The following SNRPN variants were observed in gnomAD, a reference collection of about 807,000 sequenced individuals.
The protein encoded by SNRPN is small nuclear ribonucleoprotein polypeptide N.
A neutral mutation model predicts 25.2 loss-of-function variants in SNRPN; 7 were observed. That is an observed-to-expected ratio of 0.28 (90% CI 0.16 to 0.52). The LOEUF (loss-of-function observed/expected upper bound fraction) is 0.52. Ranked by LOEUF, SNRPN falls within the 20% of genes least tolerant of loss-of-function variation. The pLI, the probability that SNRPN is intolerant of heterozygous loss-of-function variation, is 0.96. For missense variants in SNRPN, 196 were observed against 322.5 expected (o/e 0.61, Z 3.00); for synonymous variants, 124 against 110.6 (o/e 1.12, Z -0.76).
exon 2 of SNRPN, chr15:24,829,833 T>C (rs1427519347): frequency 6.6e-6 from 1 of 152,038 alleles, no homozygotes; most frequent in African/African-American, 2.4e-5. Context: ...AAATTCACAG[T>C]GGCCAGCTCA....
At position 24,838,039 on chromosome 15, in the gene SNRPN, AT is replaced by A. The variant is rs145070247; in HGVS notation, c.-579+8147del. 7.8e-4 allele frequency among the ~76,000 whole-genome samples: 109 copies of A among 139,796 alleles called. 1 individual carries two copies. The highest frequency in any genetic ancestry group is 1.6e-3 in the Admixed American group (22 of 13,876). 91.7% of individuals were successfully genotyped at this position (139,796 alleles called of 152,430 possible). On this transcript the variant is annotated intron_variant, in intron 2 of 12. Transcript: ENST00000400100. ...TGCCCGGCCAACTCTTTATTTATTTATTTTTTTTTTTTTGAGACGGAGTCTC... is the reference window on the plus strand; with the variant it reads ...TGCCCGGCCAACTCTTTATTTATTTATTTTTTTTTTTTGAGACGGAGTCTC...
At chr15:24,958,307 A>G (rs2063245557) in intron 1 of SNRPN, among the ~76,000 whole-genome samples, 1 of 151,530 alleles carries the variant, frequency 6.6e-6, no homozygotes, top group African/African-American at 2.4e-5. Flanking sequence ...TCATTTAAGC[A>G]GGTTGTGAGT....
At chr15:24,830,950 T>C (rs530081289) in intron 2 of SNRPN, among the ~76,000 whole-genome samples, 1 of 152,158 alleles carries the variant, frequency 6.6e-6, no homozygotes, top group East Asian at 1.9e-4. Context: ...TGACTGATGA[T>C]ACTGTTGAGT....
chr15:24,890,038 A>G (rs1449882209), intron 2 of SNRPN, among the ~76,000 whole-genome samples: 1 of 125,030 alleles, frequency 8.0e-6, no homozygotes, highest in Non-Finnish European at 1.7e-5. Context: ...TGAGATTGAA[A>G]CTCCATTTCA....
At chr15:24,965,486 G>A (rs963690981) in intron 2 of SNRPN, among the ~76,000 whole-genome samples, 9 of 152,152 alleles carry the variant, frequency 5.9e-5, no homozygotes, top group Non-Finnish European at 8.8e-5. Context: ...GCAGTGAGCC[G>A]AGATGGTGCC....
intron 2 of SNRPN, among the ~76,000 whole-genome samples, chr15:24,890,240 C>G (rs1220210278): frequency 6.6e-6 from 1 of 151,956 alleles, no homozygotes; most frequent in Non-Finnish European, 1.5e-5. Context: ...ATAATGGGAC[C>G]CTCATTTCAG....
intron 3 of SNRPN, among the ~76,000 whole-genome samples, chr15:24,972,892 C>G (rs2076605511): frequency 1.3e-5 from 2 of 151,950 alleles, no homozygotes; most frequent in South Asian, 4.2e-4. Flanking sequence ...CTCTTCCCCA[C>G]CACCCCCAAC....
intron 2 of SNRPN, among the ~76,000 whole-genome samples, chr15:24,888,342 G>A (rs910152693): frequency 4.6e-5 from 7 of 151,998 alleles, no homozygotes; most frequent in South Asian, 2.1e-4. Flanking sequence ...TCCAGACCTC[G>A]TGATCCACCC....
intron 1 of SNRPN, among the ~76,000 whole-genome samples, chr15:24,875,660 T>C (rs2055786235): frequency 6.6e-6 from 1 of 152,182 alleles, no homozygotes; most frequent in Non-Finnish European, 1.5e-5. Flanking sequence ...AGCTCACACC[T>C]GTAATCCCAG....
intron 2 of SNRPN, among the ~76,000 whole-genome samples, chr15:24,845,551 T>C (rs1250500116): frequency 6.6e-6 from 1 of 151,896 alleles, no homozygotes; most frequent in African/African-American, 2.4e-5. Flanking sequence ...TGAGCCGAGA[T>C]CATGCAGTTG....
At chr15:24,974,517 GC>G in intron 4 of SNRPN, 61 bp downstream of exon 4, 1 of 1,509,402 alleles carries the variant, frequency 6.6e-7, no homozygotes, top group Non-Finnish European at 9.2e-7. Context: ...GAAATAGTTT[GC>G]CAGCATGTGC....
intron 2 of SNRPN, among the ~76,000 whole-genome samples, chr15:24,904,620 A>T (rs1421309422): frequency 1.3e-5 from 2 of 152,082 alleles, no homozygotes; most frequent in African/African-American, 4.8e-5. Context: ...GGGCCACTGC[A>T]CTCCAGCCTG....
chr15:24,968,002 C>T lies in SNRPN; in HGVS notation c.-224C>T. The T allele has an allele frequency of 6.2e-7, 1 of 1,614,022 alleles. No individual in the cohort carries two copies. The highest frequency in any genetic ancestry group is 8.5e-7 in the Non-Finnish European group (1 of 1,179,996). Reference sequence around the variant, plus strand: ...GGTGGATTTCCAGGCTGAACTGAGGCAGGCATTCTTAGCTGAGACACCAAG... The same window carrying T: ...GGTGGATTTCCAGGCTGAACTGAGGTAGGCATTCTTAGCTGAGACACCAAG... On this transcript the variant is annotated 5_prime_UTR_variant, in exon 3 of 10. It introduces an in-frame stop codon into an upstream open reading frame of the 5' UTR. Transcript: ENST00000390687.
chr15:24,885,457 C>T (rs538616194), intron 1 of SNRPN, among the ~76,000 whole-genome samples: 1 of 152,282 alleles, frequency 6.6e-6, no homozygotes, highest in South Asian at 2.1e-4. Flanking sequence ...GTATCTTTGG[C>T]TCATTTTTCT....
chr15:24,954,846 C>G (rs1422112289), upstream of SNRPN: 4 of 694,066 alleles, frequency 5.8e-6, no homozygotes, highest in South Asian at 1.8e-5. Flanking sequence ...CCCCCTCCCC[C>G]CAGGTCATTC....
chr15:24,857,170 A>T (rs1443607776), intron 1 of SNRPN, among the ~76,000 whole-genome samples: 2 of 152,044 alleles, frequency 1.3e-5, no homozygotes, highest in Non-Finnish European at 2.9e-5. Context: ...ACAAAGAATT[A>T]ATTTGTGTAG....
At chr15:24,865,645 G>A (rs2054509269) in intron 1 of SNRPN, among the ~76,000 whole-genome samples, 1 of 152,146 alleles carries the variant, frequency 6.6e-6, no homozygotes, top group South Asian at 2.1e-4. Flanking sequence ...TAAACCTCCT[G>A]TCAGTTAGAA....
rs1555376611 is a variant in SNRPN at position 24,834,728 on chromosome 15, C to CCTCTCCCTCTCTCTCTCT, written c.-579+4828_-579+4829insCCTCTCTCTCTCTCTCTC. 2.4e-3 allele frequency among the ~76,000 whole-genome samples: 103 copies of CCTCTCCCTCTCTCTCTCT among 42,790 alleles called. 6 individuals carry two copies. Among genetic ancestry groups the CCTCTCCCTCTCTCTCTCT allele is most frequent in the East Asian group, 5.6e-3 (6 of 1,068 alleles). The allele number at this position is 42,790 out of a possible 152,430, so 28.1% of individuals were successfully genotyped here. Reference sequence around the variant, plus strand: ...GAGTGAGACCTTGTCTCTCTCTCTCCCTCTCTCTCTCTCTCTCTCTCTCTA... The same window carrying CCTCTCCCTCTCTCTCTCT: ...GAGTGAGACCTTGTCTCTCTCTCTCCCTCTCCCTCTCTCTCTCTCTCTCTCTCTCTCTCTCTCTCTCTA... On this transcript the variant is annotated intron_variant, in intron 2 of 12. Transcript: ENST00000400100.
At chr15:24,906,083 T>C (rs937238920) in intron 2 of SNRPN, among the ~76,000 whole-genome samples, 3 of 152,170 alleles carry the variant, frequency 2.0e-5, no homozygotes, top group African/African-American at 7.2e-5. Context: ...CTTTTAGAAA[T>C]GAAGATCAAA....
Sources: gnomAD v4.1 joint callset for allele counts (sites outside exome capture counted in the v4.1 genomes callset) on GRCh38, gnomAD v4.1.1 for gene constraint, MANE v1.5 for transcripts, NCBI Gene and HGNC (gene_info 2026-07-23, HGNC 2026-07-21) for gene names.